The following NRXN3 variants were observed in gnomAD, a reference collection of about 807,000 sequenced individuals.
NRXN3 encodes neurexin 3.
Under a neutral mutation model 137.6 loss-of-function variants are expected in NRXN3, and 32 were observed. The ratio of observed to expected loss-of-function variants is 0.23; its 90% confidence interval spans 0.18 to 0.31. NRXN3 has a LOEUF of 0.31. Ranked by LOEUF, NRXN3 falls within the 10% of genes least tolerant of loss-of-function variation. The pLI is 1.00. For missense variants in NRXN3, 1,574 were observed against 2,062.5 expected (o/e 0.76, Z 4.59); for synonymous variants, 798 against 784.5 (o/e 1.02, Z -0.29).
At chr14:79,191,592 G>T (rs2064319600) in intron 15 of NRXN3, among the ~76,000 whole-genome samples, 1 of 152,178 alleles carries the variant, frequency 6.6e-6, no homozygotes, top group African/African-American at 2.4e-5. Context: ...TTATAGCATA[G>T]ATGGGTAAAT....
At chr14:78,998,514 T>C (rs557040345) in intron 15 of NRXN3, among the ~76,000 whole-genome samples, 85 of 152,278 alleles carry the variant, frequency 5.6e-4, no homozygotes, top group Middle Eastern at 3.4e-3. Context: ...TGCAAGAAGC[T>C]GCGCAAAGCT....
rs144309041 is a variant in NRXN3 at position 78,981,272 on chromosome 14, C to T, written c.3143-6750C>T. On this transcript the variant is annotated intron_variant, in intron 14 of 20. Transcript: ENST00000335750. Reference sequence around the variant, plus strand: ...ACAAAAACAAATCCTTACATCAAGACGTCATCTTTTCCCAGTTGTAGGTCA... The same window carrying T: ...ACAAAAACAAATCCTTACATCAAGATGTCATCTTTTCCCAGTTGTAGGTCA... 4.6e-5 allele frequency among the ~76,000 whole-genome samples: 7 copies of T among 152,322 alleles called. No individual in the cohort carries two copies. In the South Asian group the frequency reaches 6.2e-4, roughly 14 times the overall value.
chr14:78,533,532 T>C (rs1305784109), intron 4 of NRXN3, among the ~76,000 whole-genome samples: 1 of 152,216 alleles, frequency 6.6e-6, no homozygotes, highest in Admixed American at 6.5e-5. Context: ...TTTTTCCTGC[T>C]TTTTGTTCCA....
rs942886567 is a variant in NRXN3 at position 79,830,833 on chromosome 14, T to G, written c.4093+25643T>G. Among the ~76,000 whole-genome samples, 4 of 150,630 alleles carry G rather than the reference T, an allele frequency of 2.7e-5. No individual in the cohort carries two copies. In the East Asian group the frequency reaches 7.8e-4, roughly 29 times the overall value. ...AAGGCAGACTTGTTCGGTAAACTAT[T>G]CAGGTGACTTTGTGAACTTTTATTT... On this transcript the variant is annotated intron_variant, in intron 20 of 20. Coordinates refer to ENST00000335750, the MANE Select transcript of NRXN3 (RefSeq NM_001330195.2).
rs79888640 is a variant in NRXN3, at chr14:79,202,093, A to G, written c.3262+213952A>G. ...TGTTATCTTTTTTTTTTTTTTCCTC[A>G]ATCAATTGAGGTTTTATTGAGCTAG... On this transcript the variant is annotated intron_variant, in intron 15 of 20. Transcript: ENST00000335750. Among the ~76,000 whole-genome samples, 420 of 149,256 alleles carry G rather than the reference A, an allele frequency of 2.8e-3. 4 individuals carry two copies. Among genetic ancestry groups the G allele is most frequent in the Non-Finnish European group, 4.6e-3 (313 of 67,400 alleles).
At chr14:78,861,580 C>G (rs2152528711) in intron 10 of NRXN3, among the ~76,000 whole-genome samples, 1 of 152,212 alleles carries the variant, frequency 6.6e-6, no homozygotes, top group South Asian at 2.1e-4. Flanking sequence ...TCTAAGAACC[C>G]TGTCATATGC....
At chr14:78,301,051 A>G (rs2076824699) in intron 4 of NRXN3, among the ~76,000 whole-genome samples, 1 of 152,024 alleles carries the variant, frequency 6.6e-6, no homozygotes, top group Non-Finnish European at 1.5e-5. Context: ...TGTTGCTATT[A>G]TTTGGAATAA....
At chr14:79,564,379 G>A (rs1342502619) in intron 16 of NRXN3, among the ~76,000 whole-genome samples, 1 of 152,100 alleles carries the variant, frequency 6.6e-6, no homozygotes, top group Non-Finnish European at 1.5e-5. Flanking sequence ...AATTTGCCAG[G>A]TATCTTTAGT....
chr14:79,392,694 A>T (rs2218784), intron 15 of NRXN3, among the ~76,000 whole-genome samples: 1 of 151,828 alleles, frequency 6.6e-6, no homozygotes, highest in South Asian at 2.1e-4. Flanking sequence ...GGAAATGGCC[A>T]GGTGTGGTGG....
intron 8 of NRXN3, among the ~76,000 whole-genome samples, chr14:78,723,384 C>G (rs537633400): frequency 6.6e-6 from 1 of 152,286 alleles, no homozygotes; most frequent in South Asian, 2.1e-4. Context: ...TAATCAATTA[C>G]ACACAGCTAA....
intron 6 of NRXN3, among the ~76,000 whole-genome samples, chr14:78,680,953 C>G (rs2098068594): frequency 6.6e-6 from 1 of 152,132 alleles, no homozygotes; most frequent in African/African-American, 2.4e-5. Context: ...AGTTAATTAT[C>G]CAGGGATAAA....
intron 6 of NRXN3, among the ~76,000 whole-genome samples, chr14:78,704,333 G>C (rs2098323592): frequency 6.6e-6 from 1 of 152,154 alleles, no homozygotes; most frequent in Non-Finnish European, 1.5e-5. Flanking sequence ...AGAGTAGCCA[G>C]GGAAATTCTC....
intron 5 of NRXN3, among the ~76,000 whole-genome samples, chr14:78,650,210 G>A (rs564345407): frequency 6.6e-6 from 1 of 152,068 alleles, no homozygotes; most frequent in African/African-American, 2.4e-5. Flanking sequence ...GCATGTAAGT[G>A]TGAAGTGGAT....
At chr14:79,829,331 A>G (rs2099315633) in intron 20 of NRXN3, among the ~76,000 whole-genome samples, 1 of 152,214 alleles carries the variant, frequency 6.6e-6, no homozygotes, top group Admixed American at 6.5e-5. Flanking sequence ...TCATGTTTTG[A>G]TTGCTAACAG....
chr14:79,759,382 A>C (rs2099030661), intron 19 of NRXN3, among the ~76,000 whole-genome samples: 1 of 151,714 alleles, frequency 6.6e-6, no homozygotes, highest in African/African-American at 2.4e-5. Context: ...CAAGAAAAAA[A>C]GCCCAATGAA....
intron 16 of NRXN3, among the ~76,000 whole-genome samples, chr14:79,571,552 C>T (rs1357700624): frequency 6.6e-6 from 1 of 152,144 alleles, no homozygotes; most frequent in African/African-American, 2.4e-5. Context: ...GGAGCTTCCG[C>T]AATGAATGCC....
At chr14:79,033,176 A>G (rs1411299166) in intron 15 of NRXN3, among the ~76,000 whole-genome samples, 1 of 151,128 alleles carries the variant, frequency 6.6e-6, no homozygotes. Context: ...ATCTTCTACC[A>G]CTCCTCTGCA....
rs561148389 is a variant in NRXN3 at position 79,419,825 on chromosome 14, A to T, written c.3263-47396A>T. ...ATAATGCAAGTAAACAACTCTGCACAGTACCTGGCTCATAACTGGGAGCTC... is the reference window on the plus strand; with the variant it reads ...ATAATGCAAGTAAACAACTCTGCACTGTACCTGGCTCATAACTGGGAGCTC... On this transcript the variant is annotated intron_variant, in intron 15 of 20. Coordinates refer to ENST00000335750, the MANE Select transcript of NRXN3 (RefSeq NM_001330195.2). 1.1e-3 allele frequency among the ~76,000 whole-genome samples: 169 copies of T among 152,320 alleles called. 1 individual carries two copies. Among genetic ancestry groups the T allele is most frequent in the African/African-American group, 3.9e-3 (164 of 41,586 alleles).
At chr14:79,054,275 C>T (rs930836380) in intron 15 of NRXN3, among the ~76,000 whole-genome samples, 11 of 151,798 alleles carry the variant, frequency 7.2e-5, no homozygotes, top group South Asian at 4.2e-4. Context: ...GAAACCTGCA[C>T]GTTATGCACA....
Sources: allele counts gnomAD v4.1 joint callset (sites outside exome capture counted in the v4.1 genomes callset), GRCh38; gene constraint gnomAD v4.1.1; transcripts MANE v1.5; gene names NCBI Gene and HGNC (gene_info 2026-07-23, HGNC 2026-07-21).